Variants in OPHN1 observed in about 807,000 individuals in gnomAD.
OPHN1 encodes oligophrenin-1.
Under a neutral mutation model 60.7 loss-of-function variants are expected in OPHN1, and 11 were observed. The observed-to-expected ratio is 0.18, with a 90% confidence interval of 0.11 to 0.30. OPHN1 has a LOEUF of 0.30. Ranked by LOEUF, OPHN1 falls within the 10% of genes least tolerant of loss-of-function variation. OPHN1 has a pLI of 1.00. For synonymous variants in OPHN1, 226 were observed against 222.6 expected (o/e 1.02, Z -0.14); for missense variants, 449 against 611.0 (o/e 0.73, Z 2.80).
chrX:68,053,527 A>G (rs933832719), intron 22 of OPHN1, 118 bp downstream of exon 22: 6 of 738,238 alleles, frequency 8.1e-6, no homozygotes, highest in Admixed American at 5.2e-5. Flanking sequence ...TCCCTAGACT[A>G]TAAAGTGAAG....
intron 2 of OPHN1, among the ~76,000 whole-genome samples, chrX:68,373,792 A>C (rs1020491944): frequency 9.0e-6 from 1 of 111,653 alleles, no homozygotes; most frequent in Admixed American, 9.7e-5. Flanking sequence ...CATGAACTAC[A>C]TGCTATTATT....
intron 2 of OPHN1, among the ~76,000 whole-genome samples, chrX:68,313,293 G>A (rs1361259006): frequency 1.8e-5 from 2 of 110,950 alleles, no homozygotes; most frequent in East Asian, 2.8e-4. Context: ...TTGAGCTGCC[G>A]TATGATCCTG....
At chrX:68,109,616 T>C (rs2077095865) in intron 18 of OPHN1, among the ~76,000 whole-genome samples, 1 of 111,913 alleles carries the variant, frequency 8.9e-6, no homozygotes, top group Non-Finnish European at 1.9e-5. Flanking sequence ...TATCTTAGTG[T>C]ATGCTTCATT....
intron 2 of OPHN1, among the ~76,000 whole-genome samples, chrX:68,322,911 A>G (rs1385475104): frequency 8.9e-6 from 1 of 112,124 alleles, no homozygotes; most frequent in African/African-American, 3.2e-5. Context: ...AGAAAAAAAA[A>G]TCTTAAAAGG....
intron 15 of OPHN1, among the ~76,000 whole-genome samples, chrX:68,185,594 G>T (rs936707615): frequency 3.6e-5 from 4 of 110,771 alleles, no homozygotes; most frequent in African/African-American, 1.3e-4. Context: ...TCATAGAAAA[G>T]ATTTTATGAA....
intron 2 of OPHN1, among the ~76,000 whole-genome samples, chrX:68,301,278 T>C (rs1211044666): frequency 9.2e-6 from 1 of 109,166 alleles, no homozygotes; most frequent in East Asian, 2.9e-4. Flanking sequence ...AAATCCCATC[T>C]TTACTAAAAA....
intron 5 of OPHN1, among the ~76,000 whole-genome samples, chrX:68,245,349 T>C (rs911801188): frequency 9.8e-5 from 11 of 112,332 alleles, no homozygotes; most frequent in Non-Finnish European, 1.9e-4. Flanking sequence ...GATTACTATA[T>C]GTTCCCCAAA....
At chrX:68,239,673 C>T (rs1309741065) in intron 5 of OPHN1, among the ~76,000 whole-genome samples, 1 of 111,959 alleles carries the variant, frequency 8.9e-6, no homozygotes, top group Non-Finnish European at 1.9e-5. Flanking sequence ...ATAAAGTTTA[C>T]TGATGCTGCT....
intron 3 of OPHN1, among the ~76,000 whole-genome samples, chrX:68,285,896 T>C (rs1333738359): frequency 1.8e-5 from 2 of 111,242 alleles, no homozygotes; most frequent in Non-Finnish European, 3.8e-5. Flanking sequence ...TCTTTATTGA[T>C]ATTGTCTATT....
intron 3 of OPHN1, among the ~76,000 whole-genome samples, chrX:68,287,337 T>TAA (rs369103492): frequency 4.6e-4 from 32 of 70,328 alleles, no homozygotes; most frequent in African/African-American, 1.1e-3. Context: ...GAAAAGAAAT[T>TAA]AAAAAAAAAA....
intron 19 of OPHN1, among the ~76,000 whole-genome samples, chrX:68,093,148 T>A (rs2077024895): frequency 9.0e-6 from 1 of 111,049 alleles, no homozygotes; most frequent in Non-Finnish European, 1.9e-5. Flanking sequence ...ATAATGACCC[T>A]CACCTTCACT....
chrX:68,295,089 C>T (rs906751030), intron 3 of OPHN1, among the ~76,000 whole-genome samples: 2 of 111,392 alleles, frequency 1.8e-5, no homozygotes, highest in South Asian at 3.8e-4. Flanking sequence ...CCCTGGGCTC[C>T]GCTATAGAAA....
At chrX:68,104,992 C>T (rs1028615744) in intron 18 of OPHN1, among the ~76,000 whole-genome samples, 11 of 111,674 alleles carry the variant, frequency 9.9e-5, no homozygotes, top group Admixed American at 3.8e-4. Context: ...AAAAAGTGGG[C>T]GAGGGAAATG....
chrX:68,238,253 TTTTTA>T (rs1372657940), intron 5 of OPHN1, among the ~76,000 whole-genome samples: 1 of 111,384 alleles, frequency 9.0e-6, no homozygotes, highest in African/African-American at 3.3e-5. Flanking sequence ...TGGAGTGCGA[TTTTTA>T]TTTTATATTA....
intron 2 of OPHN1, among the ~76,000 whole-genome samples, chrX:68,430,604 C>T (rs901425280): frequency 1.8e-5 from 2 of 111,405 alleles, no homozygotes; most frequent in South Asian, 3.8e-4. Flanking sequence ...GGGTGGATTA[C>T]CTGAGGTCAG....
intron 5 of OPHN1, among the ~76,000 whole-genome samples, chrX:68,257,203 C>T (rs957523481): frequency 8.9e-6 from 1 of 112,304 alleles, no homozygotes; most frequent in Admixed American, 9.4e-5. Context: ...ACTGAACACA[C>T]AATATCTGCA....
At chrX:68,129,260 G>A (rs1272692528) in intron 15 of OPHN1, among the ~76,000 whole-genome samples, 1 of 111,338 alleles carries the variant, frequency 9.0e-6, no homozygotes, top group East Asian at 2.8e-4. Flanking sequence ...CTTAAGAGGT[G>A]CACTGGGGTC....
chrX:68,389,512 A>C (rs1449895976), intron 2 of OPHN1, among the ~76,000 whole-genome samples: 1 of 107,943 alleles, frequency 9.3e-6, no homozygotes. Context: ...GCTTGCAGTG[A>C]GCCAAGTTTG....
chrX:68,135,005 G>A (rs1177892566), intron 15 of OPHN1, among the ~76,000 whole-genome samples: 1 of 111,085 alleles, frequency 9.0e-6, no homozygotes, highest in East Asian at 2.8e-4. Flanking sequence ...GAAAGGAAAA[G>A]TTCTATTTAT....
Sources: allele counts gnomAD v4.1 joint callset (sites outside exome capture counted in the v4.1 genomes callset), GRCh38; gene constraint gnomAD v4.1.1; transcripts MANE v1.5; gene names NCBI Gene and HGNC (gene_info 2026-07-23, HGNC 2026-07-21).